DNAH2: variants seen among roughly 807,000 people sequenced by gnomAD.
DNAH2 encodes the protein axonemal beta dynein heavy chain 2.
Under a neutral mutation model 523.5 loss-of-function variants are expected in DNAH2, and 323 were observed. The observed-to-expected ratio is 0.62, with a 90% confidence interval of 0.56 to 0.68. DNAH2 has a LOEUF of 0.68. Among genes scored for constraint, DNAH2 ranks in the 30% least tolerant of loss-of-function variants. The pLI is 0.00. For missense variants in DNAH2, 4,907 were observed against 5,701.5 expected (o/e 0.86, Z 4.49); for synonymous variants, 2,093 against 2,177.4 (o/e 0.96, Z 1.08).
chr17:7,742,714 T>C (rs2075387707), intron 11 of DNAH2, among the ~76,000 whole-genome samples: 1 of 152,262 alleles, frequency 6.6e-6, no homozygotes, highest in Non-Finnish European at 1.5e-5. Flanking sequence ...TCATTTTGAC[T>C]CCTTTTCTCA....
chr17:7,777,946 C>G (rs549987272), intron 33 of DNAH2, 131 bp from the exon 34 acceptor site: 5 of 873,016 alleles, frequency 5.7e-6, no homozygotes. Context: ...CCCTTTTCAA[C>G]TCTAAAAGGG....
At position 7,776,126 on chromosome 17, in the gene DNAH2, T is replaced by C; in HGVS notation, c.4924T>C (p.Trp1642Arg). The C allele has an allele frequency of 6.2e-7, 1 of 1,613,600 alleles. No individual in the cohort carries two copies. The highest frequency in any genetic ancestry group is 8.5e-7 in the Non-Finnish European group (1 of 1,179,814). Residue 1642 changes from tryptophan to arginine, a missense_variant, in exon 31 of 86, where the codon TGG becomes CGG. Coordinates refer to ENST00000572933, the MANE Select transcript of DNAH2 (RefSeq NM_020877.5). Reference protein sequence around the residue: ...LRKFLNKRDKWVKEWAGQVVI... With the variant: ...LRKFLNKRDKRVKEWAGQVVI... ...GAAGTTCCTCAACAAGAGGGACAAA[T>C]GGGTGAAGGAGTGGGCTGGCCAGGT...
At chr17:7,746,756 G>A (rs2075527436) in intron 12 of DNAH2, among the ~76,000 whole-genome samples, 1 of 152,102 alleles carries the variant, frequency 6.6e-6, no homozygotes. Flanking sequence ...GGAGGCCAAG[G>A]TGGGCAGATC....
At chr17:7,720,858 T>G (rs2074578901) in intron 2 of DNAH2, among the ~76,000 whole-genome samples, 1 of 151,056 alleles carries the variant, frequency 6.6e-6, no homozygotes, top group Non-Finnish European at 1.5e-5. Context: ...CTAGGAGGAG[T>G]AGGGGAAGAT....
chr17:7,740,699 G>A (rs566359108), intron 10 of DNAH2, 111 bp from the exon 11 acceptor site: 4 of 1,527,624 alleles, frequency 2.6e-6, no homozygotes, highest in East Asian at 4.5e-5. Context: ...TGGCTTCGGC[G>A]TCCCCGGGAG....
intron 31 of DNAH2, among the ~76,000 whole-genome samples, 198 bp from the exon 32 acceptor site, chr17:7,776,581 C>A (rs929849412): frequency 6.6e-5 from 10 of 152,186 alleles, no homozygotes; most frequent in African/African-American, 9.7e-5. Flanking sequence ...GTTTCTTACC[C>A]CCCTTTCTGA....
intron 8 of DNAH2, among the ~76,000 whole-genome samples, chr17:7,737,738 T>C (rs1315724884): frequency 6.6e-6 from 1 of 152,110 alleles, no homozygotes; most frequent in Non-Finnish European, 1.5e-5. Context: ...GCAGGGTGGC[T>C]GCAGAGCTGG....
In DNAH2 at chr17:7,798,567, G is replaced by T. The variant is rs749779632; in HGVS notation, c.8408G>T (p.Arg2803Leu). Reference sequence around the variant, plus strand: ...TCCCTCCCCCGGCCAGATATCAAGCGTCTGTATCGCCAGGCTGGGGTGGAG... The same window carrying T: ...TCCCTCCCCCGGCCAGATATCAAGCTTCTGTATCGCCAGGCTGGGGTGGAG... ...RKQEFRDDIK[R>L]LYRQAGVELK... The change falls in exon 55 of 86, where the codon CGT (arginine) becomes CTT (leucine). Residue 2803 changes from arginine (R) to leucine (L), a missense_variant. Arg to Leu is a moderately radical substitution (Grantham distance 102). Coordinates refer to ENST00000572933, the MANE Select transcript of DNAH2 (RefSeq NM_020877.5). This position sits in a 1 kb window ranked among gnomAD's most constrained non-coding sequence, Gnocchi z 5.5. The T allele has an allele frequency of 4.3e-6, 7 of 1,613,928 alleles. No homozygotes were observed. The highest frequency in any genetic ancestry group is 4.2e-6 in the Non-Finnish European group (5 of 1,180,028).
chr17:7,723,766 A>G (rs779433556), intron 3 of DNAH2, 77 bp downstream of exon 3: 20 of 1,280,632 alleles, frequency 1.6e-5, no homozygotes, highest in Non-Finnish European at 2.2e-5. Context: ...TGGATGGCAC[A>G]TGAGGAATTC....
At position 7,799,191 on chromosome 17, in the gene DNAH2, A is replaced by G. The variant is rs2151289336; in HGVS notation, c.8648A>G (p.Gln2883Arg). 6.2e-7 allele frequency: 1 copy of G among 1,614,244 alleles called. No homozygotes were observed. The highest frequency in any genetic ancestry group is 1.6e-4 in the Middle Eastern group (1 of 6,062). ...SLFAYLIERVQNNLHIVLCLS... is the reference protein window; with the variant it reads ...SLFAYLIERVRNNLHIVLCLS... ...TTCGCCTACCTCATTGAACGCGTGC[A>G]GAACAACCTGCACATCGTGCTCTGC... The change falls in exon 56 of 86, where the codon CAG (glutamine) becomes CGG (arginine). Residue 2883 changes from glutamine to arginine, a missense_variant. This residue lies in a region of DNAH2 where 1,851 missense variants were observed against 2,139.4 expected (regional missense o/e 0.87). Transcript: ENST00000572933.
At position 7,759,442 on chromosome 17, in the gene DNAH2, G is replaced by A. The variant is rs901378513; in HGVS notation, c.2469G>A (p.Leu823=). The change falls in exon 16 of 86, where the codon CTG becomes CTA. Residue 823 remains leucine, a synonymous_variant. Coordinates refer to ENST00000572933, the MANE Select transcript of DNAH2 (RefSeq NM_020877.5). ...ATCAGATTCAGCAGCAGTGGATGCT[G>A]TACATGATTCGGCTGGACCGCATGA... ...DGPEIQQQWM[L]YMIRLDRMME... 4 of 1,613,638 alleles carry A rather than the reference G, an allele frequency of 2.5e-6. No homozygotes were observed. Among genetic ancestry groups the A allele is most frequent in the Non-Finnish European group, 3.4e-6 (4 of 1,179,710 alleles).
At chr17:7,833,028 T>C (rs369882429) in intron 84 of DNAH2, 43 bp from the exon 85 acceptor site, 1 of 1,613,000 alleles carries the variant, frequency 6.2e-7, no homozygotes, top group Non-Finnish European at 8.5e-7. Flanking sequence ...GCGCTGGCAA[T>C]TGAAGTCTAG....
In DNAH2 at chr17:7,780,597, T is replaced by C. The variant is rs759780891; in HGVS notation, c.5851-33T>C. ...TGAAGCAGAGGGATTTGTGGGGAGA[T>C]GGACTGTTTCCTCCTCTGTTTTGGT... is the stretch of plus-strand genomic sequence containing the variant. On this transcript the variant is annotated intron_variant, in intron 37 of 85. Transcript: ENST00000572933. This position sits in a 1 kb window ranked among gnomAD's most constrained non-coding sequence, Gnocchi z 4.4. The C allele has an allele frequency of 1.2e-6, 2 of 1,611,008 alleles. No individual in the cohort carries two copies. The highest frequency in any genetic ancestry group is 2.2e-5 in the South Asian group (2 of 91,032).
Position 7,821,809 on chromosome 17 carries a change from C to A in DNAH2, c.11142+440C>A, listed in dbSNP as rs940553338. ...GCGCGGCCAGTGCACTGAGCATGGC[C>A]GGAGAAGAACACATCCACACCGACT... On this transcript the variant is annotated intron_variant, in intron 73 of 85. Coordinates refer to ENST00000572933, the MANE Select transcript of DNAH2 (RefSeq NM_020877.5). The surrounding 1 kb of genome is among the most constrained non-coding windows in gnomAD (Gnocchi z 5.0). 1.3e-5 allele frequency among the ~76,000 whole-genome samples: 2 copies of A among 152,130 alleles called. No homozygotes were observed. The highest frequency in any genetic ancestry group is 1.3e-4 in the Admixed American group (2 of 15,274).
At chr17:7,740,021 GC>G (rs2151150628) in intron 9 of DNAH2, 83 bp downstream of exon 9, 1 of 1,228,450 alleles carries the variant, frequency 8.1e-7, no homozygotes, top group East Asian at 4.8e-5. Context: ...GCGAGAGTAT[GC>G]AAAGGAAATG....
rs767283768 is a variant in DNAH2, at chr17:7,830,725, A to T, written c.12113A>T (p.Tyr4038Phe). 2 of 1,614,146 alleles carry T rather than the reference A, an allele frequency of 1.2e-6. No individual in the cohort carries two copies. The highest frequency in any genetic ancestry group is 2.2e-5 in the South Asian group (2 of 91,092). Residue 4038 changes from tyrosine to phenylalanine, a missense_variant, in exon 79 of 86, where the codon TAC (tyrosine) becomes TTC (phenylalanine). Transcript: ENST00000572933. ...GAGACACCTTGGGACGCACTTAAGT[A>T]CCTCATTGCCGGCATCAACTATGGT... The part of the protein sequence containing the change: ...YEETPWDALK[Y>F]LIAGINYGGH...
In DNAH2 at chr17:7,817,602, C is replaced by T. The variant is rs78005021; in HGVS notation, c.10062C>T (p.Ile3354=). 1,216 of 1,614,166 alleles carry T rather than the reference C, an allele frequency of 7.5e-4. 3 individuals are homozygous for T. Among genetic ancestry groups the T allele is most frequent in the African/African-American group, 7.4e-3 (554 of 75,048 alleles). The part of the protein sequence containing the change: ...LQVPCSPSFA[I]DNFLCNPTKV... ...TTCCTTGCTCCCCTTCTTTCGCCAT[C>T]GATAACTTCCTGTGCAATCCTACCA... The change falls in exon 66 of 86, where the codon ATC becomes ATT. Residue 3354 remains isoleucine (I), a synonymous_variant. Transcript: ENST00000572933.
chr17:7,719,406 A>G (rs1311365649), intron 1 of DNAH2, among the ~76,000 whole-genome samples: 2 of 152,064 alleles, frequency 1.3e-5, no homozygotes, highest in African/African-American at 4.8e-5. Flanking sequence ...TGGGATTACA[A>G]GCATGAGCCA....
At position 7,734,110 on chromosome 17, in the gene DNAH2, T is replaced by C. The variant is rs1293678232; in HGVS notation, c.629-73T>C. ...ATGCTTCCTGGTCCCCTACCGATCA[T>C]CAACCGTGATTCCTACGGGGCCAGC... On this transcript the variant is annotated intron_variant, in intron 5 of 85. Coordinates refer to ENST00000572933, the MANE Select transcript of DNAH2 (RefSeq NM_020877.5). 6 of 1,340,668 alleles carry C rather than the reference T, an allele frequency of 4.5e-6. No homozygotes were observed. The Admixed American group carries it at 1.3e-4, about 29-fold the overall frequency. The allele number at this position is 1,340,668 out of a possible 1,614,324, so 83.0% of individuals were successfully genotyped here.
Sources: allele counts gnomAD v4.1 joint callset (sites outside exome capture counted in the v4.1 genomes callset), GRCh38; gene constraint gnomAD v4.1.1; regional missense constraint gnomAD v4.1.1; non-coding constraint Gnocchi (gnomAD v3.1); transcripts MANE v1.5; gene names NCBI Gene and HGNC (gene_info 2026-07-23, HGNC 2026-07-21).